The following CTNNBL1 variants were observed in gnomAD, a reference collection of about 807,000 sequenced individuals.
CTNNBL1 encodes catenin beta like 1.
CTNNBL1 carries 31 observed loss-of-function variants against 72.7 expected under a neutral mutation model. The observed-to-expected ratio is 0.43, with a 90% CI of 0.32 to 0.58. The LOEUF is 0.58. Ranked by LOEUF, CTNNBL1 falls within the 20% of genes least tolerant of loss-of-function variation. CTNNBL1 has a pLI of 0.08. For missense variants in CTNNBL1, 534 were observed against 725.1 expected, an observed-to-expected ratio of 0.74 and a Z score of 3.03; for synonymous variants, 240 against 267.3, an observed-to-expected ratio of 0.90 and a Z score of 1.00.
intron 4 of CTNNBL1, among the ~76,000 whole-genome samples, chr20:37,748,633 C>G (rs1026519735): frequency 2.6e-5 from 4 of 152,186 alleles, no homozygotes; most frequent in African/African-American, 9.7e-5. Context: ...TTATAAACAA[C>G]AAAAATTTAT....
At chr20:37,857,666 G>C (rs2072454831) in intron 13 of CTNNBL1, among the ~76,000 whole-genome samples, 1 of 151,874 alleles carries the variant, frequency 6.6e-6, no homozygotes, top group Non-Finnish European at 1.5e-5. Context: ...GACCATAGTG[G>C]TGAGTTCTTT....
intron 7 of CTNNBL1, among the ~76,000 whole-genome samples, chr20:37,776,802 G>A (rs1380627864): frequency 6.6e-6 from 1 of 152,096 alleles, no homozygotes; most frequent in East Asian, 1.9e-4. Context: ...GTTTTAAGTA[G>A]TAGGCAGATT....
intron 10 of CTNNBL1, among the ~76,000 whole-genome samples, chr20:37,789,338 G>A (rs1049118986): frequency 3.9e-5 from 6 of 152,212 alleles, no homozygotes; most frequent in Non-Finnish European, 5.9e-5. Context: ...CAGTAAGGAT[G>A]TTTGGATGGT....
intron 10 of CTNNBL1, among the ~76,000 whole-genome samples, chr20:37,790,341 G>A (rs1304347657): frequency 3.3e-5 from 5 of 152,018 alleles, no homozygotes; most frequent in African/African-American, 1.2e-4. Flanking sequence ...CATTTTTTAA[G>A]AACTAGAGTC....
chr20:37,801,473 T>C (rs1321546870), intron 10 of CTNNBL1, among the ~76,000 whole-genome samples: 1 of 152,210 alleles, frequency 6.6e-6, no homozygotes, highest in South Asian at 2.1e-4. Context: ...GGGAAGTATC[T>C]GCAAGAATAG....
chr20:37,748,911 G>T (rs1293300933), intron 4 of CTNNBL1, among the ~76,000 whole-genome samples: 1 of 152,220 alleles, frequency 6.6e-6, no homozygotes, highest in Non-Finnish European at 1.5e-5. Flanking sequence ...ACTGCCATAT[G>T]CCTAGCTCTA....
chr20:37,805,423 T>C (rs376375725), intron 11 of CTNNBL1, among the ~76,000 whole-genome samples: 63 of 108,158 alleles, frequency 5.8e-4, no homozygotes, highest in African/African-American at 2.0e-3. Context: ...TTTTTTTTTT[T>C]CCCTGGCCTG....
intron 1 of CTNNBL1, among the ~76,000 whole-genome samples, chr20:37,725,351 C>T (rs1467790796): frequency 6.6e-6 from 1 of 151,600 alleles, no homozygotes; most frequent in Non-Finnish European, 1.5e-5. Flanking sequence ...GGCAGGAGTG[C>T]AATGGCGCAA....
chr20:37,778,913 T>G (rs1418591798), intron 9 of CTNNBL1, among the ~76,000 whole-genome samples: 2 of 152,148 alleles, frequency 1.3e-5, no homozygotes, highest in African/African-American at 4.8e-5. Context: ...TTTTATTGGG[T>G]TTTGGTTTTT....
chr20:37,744,884 A>G (rs1457037533), intron 3 of CTNNBL1, among the ~76,000 whole-genome samples: 1 of 152,234 alleles, frequency 6.6e-6, no homozygotes, highest in African/African-American at 2.4e-5. Context: ...CATACATGGT[A>G]TTGAAGCGGT....
At chr20:37,695,081 A>C (rs2072779311) in intron 1 of CTNNBL1, 1 of 152,226 alleles carries the variant, frequency 6.6e-6, no homozygotes, top group Admixed American at 6.5e-5. Flanking sequence ...GGAAAAAGTG[A>C]AATTTTTATA....
intron 1 of CTNNBL1, among the ~76,000 whole-genome samples, chr20:37,704,767 A>G (rs185392265): frequency 6.6e-6 from 1 of 152,074 alleles, no homozygotes; most frequent in East Asian, 1.9e-4. Flanking sequence ...TCTTACTTTT[A>G]TCATTGTGGA....
At chr20:37,817,739 A>G (rs191443540) in intron 11 of CTNNBL1, among the ~76,000 whole-genome samples, 14 of 152,336 alleles carry the variant, frequency 9.2e-5, no homozygotes, top group African/African-American at 3.1e-4. Flanking sequence ...CCCCCAGGTA[A>G]CGCTGAGGCT....
chr20:37,783,404 A>T (rs2073643624), intron 10 of CTNNBL1, among the ~76,000 whole-genome samples: 1 of 151,808 alleles, frequency 6.6e-6, no homozygotes, highest in Non-Finnish European at 1.5e-5. Flanking sequence ...TCTACTAATT[A>T]TGGGTTTGGT....
intron 1 of CTNNBL1, among the ~76,000 whole-genome samples, chr20:37,713,868 TGAGAG>T (rs761101386): frequency 1.4e-4 from 22 of 152,174 alleles, no homozygotes; most frequent in African/African-American, 2.2e-4. Context: ...CAAAGCCCAC[TGAGAG>T]CCAGGCTTTG....
chr20:37,802,818 C>G, intron 10 of CTNNBL1, 49 bp from the exon 11 acceptor site: 1 of 1,408,922 alleles, frequency 7.1e-7, no homozygotes, highest in Non-Finnish European at 9.6e-7. Context: ...TTTTTAAGCT[C>G]TATAATTTCC....
Position 37,712,967 on chromosome 20 carries a change from G to C in CTNNBL1, c.30+18815G>C, listed in dbSNP as rs1198549850. Among the ~76,000 whole-genome samples, 3 of 152,118 alleles carry C rather than the reference G, an allele frequency of 2.0e-5. No homozygotes were observed. In the South Asian group the frequency reaches 6.2e-4, roughly 32 times the overall value. On this transcript the variant is annotated intron_variant, in intron 1 of 15. Transcript: ENST00000361383. ...AATGGCTTAAGCACCACCGGACCTG[G>C]GCAGTTTTTATAAGATTTTAGAGTT...
chr20:37,746,735 T>G, intron 4 of CTNNBL1, 128 bp downstream of exon 4: 1 of 1,216,490 alleles, frequency 8.2e-7, no homozygotes, highest in African/African-American at 1.5e-5. Context: ...CTAATTATCT[T>G]CTGTCTTGAA....
At chr20:37,698,482 G>T (rs769920962) in intron 1 of CTNNBL1, among the ~76,000 whole-genome samples, 2 of 152,170 alleles carry the variant, frequency 1.3e-5, no homozygotes, top group Non-Finnish European at 2.9e-5. Context: ...CAGAATCATG[G>T]TCTAAGGCTT....
Sources: allele counts gnomAD v4.1 joint callset (sites outside exome capture counted in the v4.1 genomes callset), GRCh38; gene constraint gnomAD v4.1.1; transcripts MANE v1.5; gene names NCBI Gene and HGNC (gene_info 2026-07-23, HGNC 2026-07-21).